Variants in ROBO1 observed in about 807,000 individuals in gnomAD.
ROBO1 encodes the protein roundabout homolog 1.
In ROBO1, 149 loss-of-function variants were observed where a neutral mutation model predicts 195.9. The observed-to-expected ratio is 0.76, with a 90% CI of 0.67 to 0.87. ROBO1 has a LOEUF of 0.87. Among genes scored for constraint, ROBO1 ranks in the 40% least tolerant of loss-of-function variants. The pLI is 0.00. For synonymous variants in ROBO1, 816 were observed against 733.2 expected, an observed-to-expected ratio of 1.11 and a Z score of -1.82; for missense variants, 1,933 against 2,068.3, an observed-to-expected ratio of 0.93 and a Z score of 1.27.
chr3:79,607,513 T>C (rs1430982500), intron 1 of ROBO1, among the ~76,000 whole-genome samples: 1 of 151,540 alleles, frequency 6.6e-6, no homozygotes, highest in Non-Finnish European at 1.5e-5. Flanking sequence ...TCCTAAGAAG[T>C]AACAGAAAAT....
At chr3:79,638,741 T>G (rs1576160725) in intron 1 of ROBO1, among the ~76,000 whole-genome samples, 1 of 152,190 alleles carries the variant, frequency 6.6e-6, no homozygotes, top group East Asian at 1.9e-4. Flanking sequence ...TGATGAAATA[T>G]TCTCTCCCAC....
At chr3:79,702,538 A>C (rs1383795014) in intron 1 of ROBO1, among the ~76,000 whole-genome samples, 1 of 151,912 alleles carries the variant, frequency 6.6e-6, no homozygotes, top group Admixed American at 6.6e-5. Context: ...TCCAATAACA[A>C]TTCCATTCCT....
intron 4 of ROBO1, among the ~76,000 whole-genome samples, chr3:78,884,693 A>AAGGAAGGC (rs1370314676): frequency 1.4e-5 from 2 of 146,488 alleles, no homozygotes; most frequent in Non-Finnish European, 3.0e-5. Flanking sequence ...GGAAGGAAGG[A>AAGGAAGGC]AGGAAGGAAG....
At chr3:79,581,748 G>A (rs1943667943) in intron 2 of ROBO1, among the ~76,000 whole-genome samples, 1 of 151,908 alleles carries the variant, frequency 6.6e-6, no homozygotes, top group African/African-American at 2.4e-5. Flanking sequence ...ACACAGATAT[G>A]TATATATTTA....
At chr3:79,496,681 C>G (rs566158327) in intron 2 of ROBO1, among the ~76,000 whole-genome samples, 10 of 150,552 alleles carry the variant, frequency 6.6e-5, no homozygotes, top group Admixed American at 3.3e-4. Flanking sequence ...GCCACCGCGC[C>G]CGGCCGCACC....
intron 4 of ROBO1, among the ~76,000 whole-genome samples, chr3:78,879,771 C>T (rs772962070): frequency 4.6e-5 from 7 of 152,096 alleles, no homozygotes; most frequent in Non-Finnish European, 5.9e-5. Flanking sequence ...TCTTGTTTTT[C>T]CTTGATGTGC....
At chr3:79,339,713 G>C (rs1425391500) in intron 2 of ROBO1, among the ~76,000 whole-genome samples, 1 of 152,106 alleles carries the variant, frequency 6.6e-6, no homozygotes, top group Non-Finnish European at 1.5e-5. Flanking sequence ...TAAGCATTAA[G>C]CTCCGTTGAA....
At chr3:79,325,850 T>C (rs1485729189) in intron 2 of ROBO1, among the ~76,000 whole-genome samples, 1 of 152,044 alleles carries the variant, frequency 6.6e-6, no homozygotes, top group East Asian at 1.9e-4. Context: ...AACCTTAAAC[T>C]CTGACCACCG....
intron 2 of ROBO1, among the ~76,000 whole-genome samples, chr3:79,415,367 CA>C (rs376345161): frequency 3.6e-4 from 54 of 152,064 alleles, no homozygotes; most frequent in African/African-American, 9.9e-4. Flanking sequence ...AGAAGATTTC[CA>C]GACATTATAA....
chr3:79,389,386 T>C (rs2036867335), intron 2 of ROBO1, among the ~76,000 whole-genome samples: 3 of 152,166 alleles, frequency 2.0e-5, no homozygotes, highest in African/African-American at 7.2e-5. Flanking sequence ...CAGTGATTCT[T>C]TGTGTGCGTT....
intron 2 of ROBO1, among the ~76,000 whole-genome samples, chr3:79,217,001 G>A (rs889758931): frequency 6.6e-6 from 1 of 151,986 alleles, no homozygotes; most frequent in African/African-American, 2.4e-5. Flanking sequence ...ACAAATTTTA[G>A]CTAATAAATT....
intron 1 of ROBO1, among the ~76,000 whole-genome samples, chr3:79,725,759 C>T (rs911220186): frequency 7.9e-5 from 12 of 152,082 alleles, no homozygotes; most frequent in Non-Finnish European, 1.5e-4. Flanking sequence ...CAGCTAAAAG[C>T]ATCTTTACTG....
chr3:78,662,146 C>G, intron 14 of ROBO1, 32 bp from the exon 15 acceptor site: 1 of 1,545,232 alleles, frequency 6.5e-7, no homozygotes, highest in South Asian at 1.2e-5. Context: ...GTGTCAGGGT[C>G]TGCACAACGT....
At chr3:78,945,390 C>G (rs113351050) in intron 3 of ROBO1, among the ~76,000 whole-genome samples, 1 of 152,164 alleles carries the variant, frequency 6.6e-6, no homozygotes, top group Non-Finnish European at 1.5e-5. Context: ...GACACCGCTG[C>G]TGATACCCAG....
intron 3 of ROBO1, among the ~76,000 whole-genome samples, chr3:78,954,432 G>T (rs1173740952): frequency 1.3e-5 from 2 of 151,922 alleles, no homozygotes; most frequent in African/African-American, 4.8e-5. Context: ...TTGTAATTGT[G>T]CATCCGTAAC....
chr3:79,713,472 C>T (rs1288344285), intron 1 of ROBO1, among the ~76,000 whole-genome samples: 8 of 152,076 alleles, frequency 5.3e-5, no homozygotes, highest in Admixed American at 3.9e-4. Flanking sequence ...TTGACTCTAA[C>T]CTTCCTGGGT....
intron 3 of ROBO1, among the ~76,000 whole-genome samples, chr3:79,096,340 G>C (rs993153690): frequency 6.6e-6 from 1 of 151,802 alleles, no homozygotes; most frequent in Non-Finnish European, 1.5e-5. Context: ...TTAGAATGTA[G>C]AAAATACAAG....
At chr3:78,792,138 T>C (rs900337110) in intron 4 of ROBO1, among the ~76,000 whole-genome samples, 2 of 152,164 alleles carry the variant, frequency 1.3e-5, no homozygotes, top group African/African-American at 4.8e-5. Context: ...CTTCTCAGGA[T>C]GGCATGAGTC....
chr3:79,019,120 G>T, intron 3 of ROBO1: 2 of 986,758 alleles, frequency 2.0e-6, no homozygotes, highest in South Asian at 9.4e-5. Flanking sequence ...GATGCGGAGG[G>T]TACTGGAGAC....
Sources: allele counts gnomAD v4.1 joint callset (sites outside exome capture counted in the v4.1 genomes callset), GRCh38; gene constraint gnomAD v4.1.1; transcripts MANE v1.5; gene names NCBI Gene and HGNC (gene_info 2026-07-23, HGNC 2026-07-21).